NRXN1: variants seen among roughly 807,000 people sequenced by gnomAD.
The protein encoded by NRXN1 is neurexin 1.
In NRXN1, 39 loss-of-function variants were observed where a neutral mutation model predicts 150.9. The ratio of observed to expected loss-of-function variants is 0.26; its 90% CI spans 0.20 to 0.34. NRXN1 has a LOEUF of 0.34. NRXN1 is among the 10% of genes least tolerant of loss of function. The pLI is 1.00. For missense variants in NRXN1, 1,815 were observed against 1,949.9 expected (o/e 0.93, Z 1.30); for synonymous variants, 924 against 757.0 (o/e 1.22, Z -3.62).
chr2:50,815,641 T>C (rs189980358), intron 5 of NRXN1, among the ~76,000 whole-genome samples: 5 of 152,270 alleles, frequency 3.3e-5, no homozygotes, highest in African/African-American at 9.6e-5. Context: ...ATAAAAAGCA[T>C]AGATTAAAGT....
At chr2:50,447,949 C>A (rs2104508244) in intron 17 of NRXN1, among the ~76,000 whole-genome samples, 1 of 151,280 alleles carries the variant, frequency 6.6e-6, no homozygotes, top group South Asian at 2.1e-4. Context: ...TGATAATAAG[C>A]AAGTAAAGTG....
At chr2:50,848,474 G>A (rs572784181) in intron 5 of NRXN1, among the ~76,000 whole-genome samples, 2 of 152,036 alleles carry the variant, frequency 1.3e-5, no homozygotes, top group South Asian at 2.1e-4. Flanking sequence ...GCTCTGCTTC[G>A]GTTTGGGAGG....
Position 50,983,957 on chromosome 2 carries a change from T to A in NRXN1, c.772+43545A>T, listed in dbSNP as rs1466764725. On this transcript the variant is annotated intron_variant, in intron 2 of 22. Coordinates refer to ENST00000401669, the MANE Select transcript of NRXN1 (RefSeq NM_001330078.2). ...GCAAACATTCAAAGCATTTTTTTAT[T>A]TTTATTTTTTAATTAATCTATTTTT... 2.8e-4 allele frequency among the ~76,000 whole-genome samples: 43 copies of A among 151,758 alleles called. 1 individual carries two copies. The highest frequency in any genetic ancestry group is 2.8e-3 in the Admixed American group (43 of 15,212).
intron 5 of NRXN1, among the ~76,000 whole-genome samples, chr2:50,903,527 G>C (rs753251342): frequency 3.4e-4 from 51 of 151,930 alleles, no homozygotes; most frequent in African/African-American, 1.2e-3. Context: ...GTTTTTTGTA[G>C]TGACATGTGC....
intron 21 of NRXN1, among the ~76,000 whole-genome samples, chr2:50,032,576 A>C (rs1313899348): frequency 4.6e-5 from 7 of 152,072 alleles, no homozygotes; most frequent in Non-Finnish European, 8.8e-5. Context: ...TCAGTGTTCT[A>C]TGGACTAAAC....
chr2:50,337,027 T>C (rs990495808), intron 17 of NRXN1, among the ~76,000 whole-genome samples: 2 of 152,060 alleles, frequency 1.3e-5, no homozygotes, highest in African/African-American at 4.8e-5. Context: ...GAATAAATTA[T>C]GTTTATTGAC....
chr2:50,477,694 G>GA (rs1301812758), intron 15 of NRXN1, among the ~76,000 whole-genome samples: 1 of 152,048 alleles, frequency 6.6e-6, no homozygotes, highest in Non-Finnish European at 1.5e-5. Flanking sequence ...AAAGCATACA[G>GA]AAAAAGGACA....
At chr2:50,158,064 A>AGTGTGTGTGT (rs71401060) in intron 18 of NRXN1, among the ~76,000 whole-genome samples, 21 of 134,060 alleles carry the variant, frequency 1.6e-4, no homozygotes, top group African/African-American at 4.5e-4. Context: ...TAAGAAGTTG[A>AGTGTGTGTGT]GTGTGTGTGT....
chr2:50,709,205 G>GCACA, intron 5 of NRXN1, among the ~76,000 whole-genome samples: 1 of 152,162 alleles, frequency 6.6e-6, no homozygotes, highest in African/African-American at 2.4e-5. Flanking sequence ...CGTGATATTT[G>GCACA]CACACATTTA....
At chr2:50,856,206 T>C (rs992187121) in intron 5 of NRXN1, among the ~76,000 whole-genome samples, 6 of 151,942 alleles carry the variant, frequency 3.9e-5, no homozygotes, top group African/African-American at 1.2e-4. Flanking sequence ...TTTAGAAGTA[T>C]TGGGCTTCTA....
At chr2:50,714,272 C>A (rs1239460289) in intron 5 of NRXN1, among the ~76,000 whole-genome samples, 1 of 152,042 alleles carries the variant, frequency 6.6e-6, no homozygotes, top group Admixed American at 6.6e-5. Context: ...TGCAAGAGGC[C>A]AAATGAAATC....
chr2:50,781,974 T>C (rs990350942), intron 5 of NRXN1, among the ~76,000 whole-genome samples: 1 of 152,210 alleles, frequency 6.6e-6, no homozygotes, highest in African/African-American at 2.4e-5. Context: ...CAAATGTTAG[T>C]TGTTATTAAT....
intron 13 of NRXN1, among the ~76,000 whole-genome samples, chr2:50,504,382 C>G (rs992465670): frequency 2.0e-5 from 3 of 152,042 alleles, no homozygotes; most frequent in Admixed American, 6.6e-5. Flanking sequence ...TAAAGGGACA[C>G]TGTGTATGTA....
intron 18 of NRXN1, among the ~76,000 whole-genome samples, chr2:50,204,357 TG>T (rs1336056312): frequency 6.6e-6 from 1 of 151,770 alleles, no homozygotes; most frequent in Non-Finnish European, 1.5e-5. Context: ...TGTGTGTGTG[TG>T]TGTGTGTGTG....
At chr2:50,333,942 G>T (rs2076994223) in intron 17 of NRXN1, among the ~76,000 whole-genome samples, 1 of 152,000 alleles carries the variant, frequency 6.6e-6, no homozygotes, top group Non-Finnish European at 1.5e-5. Flanking sequence ...TGCAAGTCTT[G>T]CCTTCACCAT....
intron 17 of NRXN1, among the ~76,000 whole-genome samples, chr2:50,357,555 A>T (rs894263936): frequency 6.6e-6 from 1 of 151,684 alleles, no homozygotes; most frequent in African/African-American, 2.4e-5. Flanking sequence ...TGATCCACTC[A>T]CCTCGGCCTC....
At chr2:50,452,179 G>C (rs2087031340) in intron 17 of NRXN1, among the ~76,000 whole-genome samples, 1 of 152,154 alleles carries the variant, frequency 6.6e-6, no homozygotes, top group Non-Finnish European at 1.5e-5. Context: ...GCTGAAAAGA[G>C]GAAGACATCC....
intron 12 of NRXN1, among the ~76,000 whole-genome samples, chr2:50,519,011 G>A (rs114141343): frequency 6.6e-6 from 1 of 151,696 alleles, no homozygotes; most frequent in Non-Finnish European, 1.5e-5. Flanking sequence ...CTATTTCTCA[G>A]TATTGTCAAC....
chr2:49,983,401 CTT>C (rs1413097040), intron 21 of NRXN1, among the ~76,000 whole-genome samples: 2 of 152,056 alleles, frequency 1.3e-5, no homozygotes, highest in Non-Finnish European at 2.9e-5. Flanking sequence ...GGTAAAAATG[CTT>C]TCTTTCCTTA....
Sources: allele counts gnomAD v4.1 joint callset (sites outside exome capture counted in the v4.1 genomes callset), GRCh38; gene constraint gnomAD v4.1.1; transcripts MANE v1.5; gene names NCBI Gene and HGNC (gene_info 2026-07-23, HGNC 2026-07-21).